Variants in CLTA observed in about 807,000 individuals in gnomAD.
CLTA encodes clathrin light chain A.
In CLTA, 9 loss-of-function variants were observed where a neutral mutation model predicts 26.9. The ratio of observed to expected loss-of-function variants is 0.33; its 90% CI spans 0.20 to 0.58. The LOEUF is 0.58. Among genes scored for constraint, CLTA ranks in the 20% least tolerant of loss-of-function variants. CLTA has a pLI of 0.85. For missense variants in CLTA, 278 were observed against 294.2 expected (o/e 0.94, Z 0.40); for synonymous variants, 120 against 115.5 (o/e 1.04, Z -0.25).
At chr9:36,195,916 C>T (rs373749632) in intron 1 of CLTA, among the ~76,000 whole-genome samples, 4 of 151,828 alleles carry the variant, frequency 2.6e-5, no homozygotes, top group African/African-American at 7.3e-5. Context: ...TGCAGCAAGC[C>T]GAGATCGCGC....
chr9:36,190,882 C>A (rs1826644924), upstream of CLTA: 3 of 1,150,514 alleles, frequency 2.6e-6, no homozygotes, highest in Middle Eastern at 3.0e-4. Context: ...TTCGGCTCTG[C>A]AACACCGCCT....
intron 4 of CLTA, among the ~76,000 whole-genome samples, chr9:36,210,966 G>A (rs966206583): frequency 5.3e-5 from 8 of 152,352 alleles, no homozygotes; most frequent in African/African-American, 1.7e-4. Context: ...AGCAACTCAC[G>A]TTGGCTCTCC....
Position 36,197,531 on chromosome 9 carries a change from C to G in CLTA, c.218-20C>G. ...GTTTGACCAGTCCTTATTGATAGACCAAAATCTTATGTCTTGCAGATGCTG... is the reference window on the plus strand; with the variant it reads ...GTTTGACCAGTCCTTATTGATAGACGAAAATCTTATGTCTTGCAGATGCTG... On this transcript the variant is annotated intron_variant, in intron 1 of 4. Coordinates refer to ENST00000345519, the MANE Select transcript of CLTA (RefSeq NM_001833.4). The G allele has an allele frequency of 1.2e-6, 2 of 1,605,632 alleles. No homozygotes were observed. Among genetic ancestry groups the G allele is most frequent in the Non-Finnish European group, 1.7e-6 (2 of 1,173,344 alleles).
At chr9:36,205,131 G>A (rs2132925540) in intron 4 of CLTA, among the ~76,000 whole-genome samples, 1 of 152,340 alleles carries the variant, frequency 6.6e-6, no homozygotes, top group East Asian at 1.9e-4. Context: ...TGTGGGTCCA[G>A]TATGACAGAG....
intron 4 of CLTA, among the ~76,000 whole-genome samples, chr9:36,208,007 C>G: frequency 6.6e-6 from 1 of 152,242 alleles, no homozygotes; most frequent in East Asian, 1.9e-4. Context: ...CACAAAACAC[C>G]TCCTGTGTAT....
chr9:36,201,191 C>G (rs1484216296), intron 3 of CLTA, among the ~76,000 whole-genome samples: 2 of 152,186 alleles, frequency 1.3e-5, no homozygotes, highest in East Asian at 3.8e-4. Context: ...TGCATTCCAA[C>G]TGAATTGAAT....
intron 4 of CLTA, among the ~76,000 whole-genome samples, 193 bp downstream of exon 4, chr9:36,204,372 C>G (rs894217210): frequency 5.9e-5 from 9 of 152,148 alleles, no homozygotes; most frequent in African/African-American, 2.2e-4. Context: ...TTAGCCATCC[C>G]AATTGTAGTG....
chr9:36,195,538 A>G (rs1826973239), intron 1 of CLTA, among the ~76,000 whole-genome samples: 1 of 152,182 alleles, frequency 6.6e-6, no homozygotes, highest in African/African-American at 2.4e-5. Context: ...CAAATTAGCA[A>G]AAATTTTAAA....
At chr9:36,201,393 A>G (rs895536731) in intron 3 of CLTA, among the ~76,000 whole-genome samples, 1 of 152,168 alleles carries the variant, frequency 6.6e-6, no homozygotes, top group African/African-American at 2.4e-5. Context: ...GCACCTGTGA[A>G]TGTGCTTTGC....
At chr9:36,199,271 C>G (rs1587219482) in intron 3 of CLTA, among the ~76,000 whole-genome samples, 175 bp downstream of exon 3, 1 of 152,020 alleles carries the variant, frequency 6.6e-6, no homozygotes, top group South Asian at 2.1e-4. Context: ...AATCACAGGC[C>G]ATTGTGTGAG....
intron 3 of CLTA, among the ~76,000 whole-genome samples, chr9:36,199,851 T>C (rs1244332824): frequency 6.6e-6 from 1 of 152,200 alleles, no homozygotes; most frequent in East Asian, 1.9e-4. Flanking sequence ...TACCTTAATA[T>C]CTCTGTAAGG....
At chr9:36,194,859 T>C (rs1305815976) in intron 1 of CLTA, among the ~76,000 whole-genome samples, 1 of 152,222 alleles carries the variant, frequency 6.6e-6, no homozygotes, top group East Asian at 1.9e-4. Context: ...TTGATTCTTG[T>C]AAGAATGTTA....
intron 4 of CLTA, chr9:36,210,425 G>C (rs1827975966): frequency 4.7e-6 from 1 of 214,564 alleles, no homozygotes; most frequent in African/African-American, 2.4e-5. Context: ...ATTCTCTCTG[G>C]AGTAGAAATG....
chr9:36,203,714 G>C (rs1204013998), intron 3 of CLTA, among the ~76,000 whole-genome samples: 1 of 152,118 alleles, frequency 6.6e-6, no homozygotes, highest in East Asian at 1.9e-4. Flanking sequence ...TGCCCAGAAG[G>C]CTTTTTTCCT....
chr9:36,204,285 G>A, intron 4 of CLTA, 106 bp downstream of exon 4: 1 of 1,246,836 alleles, frequency 8.0e-7, no homozygotes, highest in Non-Finnish European at 1.1e-6. Context: ...AGTGTGAAAT[G>A]TCTGCAGTTT....
At chr9:36,201,800 G>C (rs1827427037) in intron 3 of CLTA, among the ~76,000 whole-genome samples, 1 of 152,132 alleles carries the variant, frequency 6.6e-6, no homozygotes. Context: ...TCATGCCATG[G>C]ATAGACACAT....
At chr9:36,210,681 T>C (rs970551483) in intron 4 of CLTA, 3 of 1,613,986 alleles carry the variant, frequency 1.9e-6, no homozygotes, top group African/African-American at 2.7e-5. Flanking sequence ...CCTTTCTCAC[T>C]GCCCCTAACT....
chr9:36,197,586 C>T lies in CLTA; in HGVS notation c.253C>T (p.Gln85Ter). The change falls in exon 2 of 5, where the codon CAG (glutamine) becomes TAG (stop). Residue 85 changes from glutamine (Q) to a stop codon, truncating the protein, a stop_gained and splice_region_variant. Coordinates refer to ENST00000345519, the MANE Select transcript of CLTA (RefSeq NM_001833.4). LOFTEE classifies it high-confidence loss of function. Reference sequence around the variant, plus strand: ...TGGAGTAATGAATGGTGAATACTACCAGGTACAGAGTACTCTGATTCTGTT... The same window carrying T: ...TGGAGTAATGAATGGTGAATACTACTAGGTACAGAGTACTCTGATTCTGTT... ...VDGVMNGEYY[Q>*]ESNGPTDSYA... 6.2e-7 allele frequency: 1 copy of T among 1,605,454 alleles called. No homozygotes were observed. Among genetic ancestry groups the T allele is most frequent in the Non-Finnish European group, 8.5e-7 (1 of 1,173,420 alleles).
At chr9:36,194,312 C>T (rs1826907582) in intron 1 of CLTA, among the ~76,000 whole-genome samples, 1 of 152,206 alleles carries the variant, frequency 6.6e-6, no homozygotes, top group African/African-American at 2.4e-5. Context: ...CAGGTGTGAA[C>T]CACCGCACCC....
Sources: gnomAD v4.1 joint callset for allele counts (sites outside exome capture counted in the v4.1 genomes callset) on GRCh38, gnomAD v4.1.1 for gene constraint, MANE v1.5 for transcripts, NCBI Gene and HGNC (gene_info 2026-07-23, HGNC 2026-07-21) for gene names.